The following MICAL3 variants were observed in gnomAD, a reference collection of about 807,000 sequenced individuals.
MICAL3 encodes the protein [F-actin]-monooxygenase MICAL3.
Under a neutral mutation model 207.4 loss-of-function variants are expected in MICAL3, and 62 were observed. The ratio of observed to expected loss-of-function variants is 0.30; its 90% CI spans 0.24 to 0.37. MICAL3 has a LOEUF of 0.37. MICAL3 is among the 10% of genes least tolerant of loss of function. The pLI, the probability that MICAL3 is intolerant of heterozygous loss-of-function variation, is 1.00. For synonymous variants in MICAL3, 1,077 were observed against 1,069.3 expected (o/e 1.01, Z -0.14); for missense variants, 2,368 against 2,635.6 (o/e 0.90, Z 2.22).
At chr22:17,819,577 A>G (rs1921318670) in intron 25 of MICAL3, among the ~76,000 whole-genome samples, 1 of 152,096 alleles carries the variant, frequency 6.6e-6, no homozygotes, top group African/African-American at 2.4e-5. Flanking sequence ...TAGGAAGCTC[A>G]AAGATGTGCA....
chr22:17,974,545 C>T (rs1406143081), intron 1 of MICAL3, among the ~76,000 whole-genome samples: 2 of 151,678 alleles, frequency 1.3e-5, no homozygotes, highest in Non-Finnish European at 2.9e-5. Flanking sequence ...GCCAACATGG[C>T]AAAACCTTGT....
In MICAL3 at chr22:17,818,196, G is replaced by A. The variant is rs751068576; in HGVS notation, c.4465C>T (p.Pro1489Ser). The A allele has an allele frequency of 5.1e-6, 8 of 1,561,458 alleles. No homozygotes were observed. In the African/African-American group the frequency reaches 1.1e-4, roughly 21 times the overall value. Residue 1489 changes from proline to serine, a missense_variant, in exon 26 of 32, where the codon CCC (proline) becomes TCC (serine). This residue lies in a region of MICAL3 where 1,770 missense variants were observed against 1,863.2 expected (regional missense o/e 0.95). Coordinates refer to ENST00000441493, the MANE Select transcript of MICAL3 (RefSeq NM_015241.3). ...AEPNASVVPP[P>S]LPATWMRPPR... ...GGCCGCATCCAGGTGGCGGGCAAGG[G>A]CGGCGGGACCACCGAGGCATTGGGC... is the stretch of plus-strand genomic sequence containing the variant.
chr22:17,861,174 G>A (rs1196995863), intron 19 of MICAL3: 55 of 985,206 alleles, frequency 5.6e-5, no homozygotes, highest in Admixed American at 1.2e-4. Flanking sequence ...TCTGTCAGGT[G>A]GGAACCCTAG....
chr22:17,834,692 G>T, intron 20 of MICAL3: 1 of 792,432 alleles, frequency 1.3e-6, no homozygotes, highest in Non-Finnish European at 1.5e-6. Flanking sequence ...GGTCGAAAGT[G>T]GGCAAACCTA....
intron 19 of MICAL3, among the ~76,000 whole-genome samples, chr22:17,850,556 C>T (rs750997005): frequency 4.0e-5 from 6 of 151,632 alleles, no homozygotes; most frequent in Non-Finnish European, 7.4e-5. Context: ...GGATTACAGG[C>T]GCCTGCCATC....
chr22:17,864,567 A>G, intron 19 of MICAL3: 1 of 1,460,406 alleles, frequency 6.8e-7, no homozygotes, highest in South Asian at 1.4e-5. Context: ...CTACCTACAC[A>G]GGACCTGGGC....
At chr22:17,808,354 C>G (rs1011435868) in intron 29 of MICAL3, among the ~76,000 whole-genome samples, 3 of 152,220 alleles carry the variant, frequency 2.0e-5, no homozygotes, top group African/African-American at 7.2e-5. Context: ...CTCTGGAAAT[C>G]TGTGTGTGCC....
chr22:17,819,199 C>T lies in MICAL3; in HGVS notation c.3532-70G>A, dbSNP rs938545018. On this transcript the variant is annotated intron_variant, in intron 25 of 31. Coordinates refer to ENST00000441493, the MANE Select transcript of MICAL3 (RefSeq NM_015241.3). ...CACGACCAGCAGCATCCTCGGGGAG[C>T]CTTCTCACTCAAAGTGCCTGCACCT... 18 of 1,398,608 alleles carry T rather than the reference C, an allele frequency of 1.3e-5. No homozygotes were observed. In the South Asian group the frequency reaches 3.6e-4, roughly 28 times the overall value. 86.6% of individuals were successfully genotyped at this position (1,398,608 alleles called of 1,614,324 possible).
chr22:17,795,722 G>A (rs989788008), intron 29 of MICAL3, among the ~76,000 whole-genome samples: 4 of 152,260 alleles, frequency 2.6e-5, no homozygotes, highest in East Asian at 1.9e-4. Context: ...GCTGCGCTGC[G>A]GGGCCGCTAC....
chr22:17,892,433 C>G lies in MICAL3; in HGVS notation c.1547-801G>C, dbSNP rs186487853. Among the ~76,000 whole-genome samples the G allele has an allele frequency of 1.8e-3, 267 of 152,354 alleles. 4 individuals carry two copies. Among genetic ancestry groups the G allele is most frequent in the Non-Finnish European group, 6.6e-4 (45 of 68,034 alleles). ...AAGTCTGTTCCCTTACCGAGGGCAA[C>G]TGAAGTTTGTACTAAGTCATTTAGT... On this transcript the variant is annotated intron_variant, in intron 11 of 31. Transcript: ENST00000441493.
Position 17,895,379 on chromosome 22 carries a change from T to C in MICAL3, c.1354A>G (p.Thr452Ala). Residue 452 changes from threonine to alanine, a missense_variant, in exon 10 of 32, where the codon ACC becomes GCC. By Grantham distance (58) the Thr-to-Ala change is moderately conservative. Around this residue, in one of 4 missense-constraint regions of MICAL3, gnomAD observed 147 missense variants for 137.7 expected, o/e 1.07. Transcript: ENST00000441493. Reference protein sequence around the residue: ...ESIYRLLPQTTPENVSKNFSQ... With the variant: ...ESIYRLLPQTAPENVSKNFSQ... ...AAGTTCTTACTCACATTCTCAGGGGTGGTCTGAGGCAGCAACCTGTAAATA... is the reference window on the plus strand; with the variant it reads ...AAGTTCTTACTCACATTCTCAGGGGCGGTCTGAGGCAGCAACCTGTAAATA... 6.2e-7 allele frequency: 1 copy of C among 1,613,636 alleles called. No individual in the cohort carries two copies. The highest frequency in any genetic ancestry group is 8.5e-7 in the Non-Finnish European group (1 of 1,179,756).
intron 5 of MICAL3, among the ~76,000 whole-genome samples, chr22:17,901,653 G>T (rs1487924405): frequency 6.6e-6 from 1 of 152,104 alleles, no homozygotes; most frequent in African/African-American, 2.4e-5. Context: ...CTGGGCAAAA[G>T]AACGAGACCC....
rs1203361033 is a variant in MICAL3 at position 17,960,626 on chromosome 22, G to A, written c.-74-53740C>T. Among the ~76,000 whole-genome samples the A allele has an allele frequency of 2.0e-5, 3 of 152,126 alleles. No homozygotes were observed. In the East Asian group the frequency reaches 5.8e-4, roughly 29 times the overall value. Reference sequence around the variant, plus strand: ...TGTTCAGGATTGGCAAGGGGCTCCGGGAACAGATCCTGTGGGTGTGAGACT... The same window carrying A: ...TGTTCAGGATTGGCAAGGGGCTCCGAGAACAGATCCTGTGGGTGTGAGACT... On this transcript the variant is annotated intron_variant, in intron 1 of 31. Transcript: ENST00000441493.
At chr22:17,800,118 G>A (rs1024355427) in intron 29 of MICAL3, among the ~76,000 whole-genome samples, 3 of 152,150 alleles carry the variant, frequency 2.0e-5, no homozygotes, top group African/African-American at 7.2e-5. Flanking sequence ...CGGCTGCTCA[G>A]AAGGGCAGGG....
chr22:17,863,605 A>G (rs1238578091), intron 19 of MICAL3: 1 of 985,416 alleles, frequency 1.0e-6, no homozygotes, highest in Non-Finnish European at 1.2e-6. Flanking sequence ...TACTTAAAAA[A>G]CTTGCTCAGA....
At chr22:17,960,576 C>T (rs1437514156) in intron 1 of MICAL3, among the ~76,000 whole-genome samples, 2 of 152,058 alleles carry the variant, frequency 1.3e-5, no homozygotes, top group Non-Finnish European at 2.9e-5. Flanking sequence ...TCCAGGAGCT[C>T]TGCGAACTGT....
intron 9 of MICAL3, 108 bp from the exon 10 acceptor site, chr22:17,895,518 A>G: frequency 7.8e-7 from 1 of 1,281,848 alleles, no homozygotes; most frequent in South Asian, 1.4e-5. Flanking sequence ...CATGCCTGAC[A>G]AATCCTCATC....
At chr22:17,911,335 G>A (rs1363169808) in intron 1 of MICAL3, among the ~76,000 whole-genome samples, 3 of 146,436 alleles carry the variant, frequency 2.0e-5, no homozygotes, top group African/African-American at 5.0e-5. Context: ...TTTAAAAATA[G>A]AAAAAAAAAA....
intron 1 of MICAL3, among the ~76,000 whole-genome samples, chr22:17,910,131 C>T (rs908425469): frequency 1.3e-5 from 2 of 152,224 alleles, no homozygotes; most frequent in Admixed American, 6.5e-5. Flanking sequence ...ATTCAGAGCA[C>T]TCAGAACCAT....
Sources: gnomAD v4.1 joint callset for allele counts (sites outside exome capture counted in the v4.1 genomes callset) on GRCh38, gnomAD v4.1.1 for gene constraint, gnomAD v4.1.1 regional missense constraint, MANE v1.5 for transcripts, NCBI Gene and HGNC (gene_info 2026-07-23, HGNC 2026-07-21) for gene names.